VAPB: variants seen among roughly 807,000 people sequenced by gnomAD.
VAPB encodes vesicle-associated membrane protein-associated protein B/C.
In VAPB, 7 loss-of-function variants were observed where a neutral mutation model predicts 25.6. The ratio of observed to expected loss-of-function variants is 0.27; its 90% CI spans 0.16 to 0.51. The LOEUF (loss-of-function observed/expected upper bound fraction) is 0.51, where lower values mean the gene tolerates loss of function less well. VAPB is among the 20% of genes least tolerant of loss of function. The pLI is 0.97. For missense variants in VAPB, 266 were observed against 301.3 expected, an observed-to-expected ratio of 0.88 and a Z score of 0.87; for synonymous variants, 112 against 109.2, an observed-to-expected ratio of 1.03 and a Z score of -0.16.
intron 1 of VAPB, among the ~76,000 whole-genome samples, chr20:58,407,948 A>T (rs1050350772): frequency 1.3e-5 from 2 of 152,152 alleles, no homozygotes; most frequent in African/African-American, 4.8e-5. Context: ...GTTCCTTACT[A>T]ACTTTGTATT....
chr20:58,426,919 T>A (rs904301757), intron 2 of VAPB, among the ~76,000 whole-genome samples: 1 of 152,256 alleles, frequency 6.6e-6, no homozygotes, highest in Non-Finnish European at 1.5e-5. Flanking sequence ...CTTGTTAGAC[T>A]TTATTTGCTC....
intron 2 of VAPB, among the ~76,000 whole-genome samples, chr20:58,419,832 T>A (rs1232007688): frequency 6.6e-6 from 1 of 152,192 alleles, no homozygotes; most frequent in Non-Finnish European, 1.5e-5. Context: ...TGAGCAAGTT[T>A]GTCAGTAGAT....
chr20:58,421,526 C>G (rs935059396), intron 2 of VAPB, among the ~76,000 whole-genome samples: 1 of 152,126 alleles, frequency 6.6e-6, no homozygotes, highest in African/African-American at 2.4e-5. Flanking sequence ...AGGTGGCCAC[C>G]ACATCAGCTT....
In VAPB at chr20:58,450,493, G is replaced by C. The variant is rs1049987186; in HGVS notation, c.*6258G>C. 6.6e-6 allele frequency: 3 copies of C among 453,520 alleles called. No homozygotes were observed. The highest frequency in any genetic ancestry group is 2.0e-5 in the African/African-American group (1 of 49,850). 28.1% of individuals were successfully genotyped at this position (453,520 alleles called of 1,614,324 possible). A position where few individuals can be genotyped will look rare whatever the true frequency, so the allele number is the denominator to read the frequency against. On this transcript the variant is annotated 3_prime_UTR_variant, in exon 6 of 6. Coordinates refer to ENST00000475243, the MANE Select transcript of VAPB (RefSeq NM_004738.5). ...CAAAATATATTTGGTTCTCATTTCT[G>C]TTGCTGTCGTTTCCTTTTTAAAGAC... is the stretch of plus-strand genomic sequence containing the variant.
chr20:58,404,731 A>T (rs1331742396), intron 1 of VAPB, among the ~76,000 whole-genome samples: 1 of 152,110 alleles, frequency 6.6e-6, no homozygotes, highest in Non-Finnish European at 1.5e-5. Context: ...CACATTTGAT[A>T]TTTTTTTAAA....
At position 58,447,069 on chromosome 20, in the gene VAPB, C is replaced by G; in HGVS notation, c.*2834C>G. On this transcript the variant is annotated 3_prime_UTR_variant, in exon 6 of 6. Coordinates refer to ENST00000475243, the MANE Select transcript of VAPB (RefSeq NM_004738.5). ...GGCAGTGTGCATGGGGGAGCTGCTG[C>G]CAGGCTGCCCTCCAGTCTGCTCCTG... is the stretch of plus-strand genomic sequence containing the variant. 2.2e-6 allele frequency: 1 copy of G among 454,066 alleles called. No individual in the cohort carries two copies. Among genetic ancestry groups the G allele is most frequent in the South Asian group, 1.6e-5 (1 of 64,478 alleles). The allele number at this position is 454,066 out of a possible 1,614,324, so 28.1% of individuals were successfully genotyped here.
chr20:58,403,884 C>G, intron 1 of VAPB, among the ~76,000 whole-genome samples: 1 of 152,270 alleles, frequency 6.6e-6, no homozygotes, highest in Admixed American at 6.5e-5. Flanking sequence ...TGGGAATGGC[C>G]CTTGCACCAA....
At chr20:58,402,881 C>T (rs1334401579) in intron 1 of VAPB, among the ~76,000 whole-genome samples, 1 of 152,030 alleles carries the variant, frequency 6.6e-6, no homozygotes, top group African/African-American at 2.4e-5. Flanking sequence ...GGTGCATGCC[C>T]ATAATCCCAG....
At chr20:58,441,480 A>G (rs1049579530) in intron 5 of VAPB, among the ~76,000 whole-genome samples, 1 of 152,218 alleles carries the variant, frequency 6.6e-6, no homozygotes, top group African/African-American at 2.4e-5. Flanking sequence ...TCTCTAATAA[A>G]AAATACAAAA....
chr20:58,405,452 G>T (rs1258593644), intron 1 of VAPB, among the ~76,000 whole-genome samples: 3 of 149,626 alleles, frequency 2.0e-5, no homozygotes, highest in African/African-American at 7.4e-5. Context: ...CTGAGCAGGA[G>T]TTTATTTTTA....
intron 1 of VAPB, chr20:58,390,185 A>G (rs1987758384): frequency 6.6e-6 from 1 of 152,034 alleles, no homozygotes; most frequent in Non-Finnish European, 1.5e-5. Flanking sequence ...GATTGGGCCC[A>G]TTTTCCTTTC....
At chr20:58,411,881 G>A (rs535853687) in intron 1 of VAPB, among the ~76,000 whole-genome samples, 15 of 151,882 alleles carry the variant, frequency 9.9e-5, no homozygotes, top group Non-Finnish European at 1.9e-4. Context: ...GGGTTTCACC[G>A]TGTTAGCCAG....
chr20:58,439,090 C>T, intron 4 of VAPB, 65 bp downstream of exon 4: 13 of 1,443,836 alleles, frequency 9.0e-6, no homozygotes, highest in South Asian at 1.2e-5. Flanking sequence ...CATACCATTT[C>T]CTGCAAAACC....
At chr20:58,438,098 G>A (rs1257620877) in intron 3 of VAPB, among the ~76,000 whole-genome samples, 1 of 152,138 alleles carries the variant, frequency 6.6e-6, no homozygotes, top group Non-Finnish European at 1.5e-5. Context: ...ACAGCCTGGA[G>A]GGATGGAGAT....
At chr20:58,398,370 T>C (rs1446189933) in intron 1 of VAPB, among the ~76,000 whole-genome samples, 2 of 152,236 alleles carry the variant, frequency 1.3e-5, no homozygotes, top group African/African-American at 2.4e-5. Context: ...GTTTCTGCCC[T>C]TTGCAGATCC....
At chr20:58,416,036 C>T (rs963242056) in intron 1 of VAPB, among the ~76,000 whole-genome samples, 17 of 152,126 alleles carry the variant, frequency 1.1e-4, no homozygotes, top group Non-Finnish European at 2.4e-4. Flanking sequence ...TGTTTCATTG[C>T]ATATATTTTC....
Position 58,389,416 on chromosome 20 carries a change from C to G in VAPB, c.-44C>G, listed in dbSNP as rs1387223603. ...CATTAACGCTTCCCGCCCCGGTGAC[C>G]TCTCAGGGGTCTCCCCGCCAAAGGT... On this transcript the variant is annotated 5_prime_UTR_variant, in exon 1 of 6. Coordinates refer to ENST00000475243, the MANE Select transcript of VAPB (RefSeq NM_004738.5). The G allele has an allele frequency of 1.3e-6, 2 of 1,566,078 alleles. No homozygotes were observed. The highest frequency in any genetic ancestry group is 2.4e-5 in the East Asian group (1 of 42,058).
chr20:58,407,249 G>C lies in VAPB; in HGVS notation c.59-10962G>C, dbSNP rs547655444. Reference sequence around the variant, plus strand: ...TCTAGTATTTGAAGTTCATACAGAAGCTTTTGTCAGAATTGTACACATGGG... The same window carrying C: ...TCTAGTATTTGAAGTTCATACAGAACCTTTTGTCAGAATTGTACACATGGG... On this transcript the variant is annotated intron_variant, in intron 1 of 5. Transcript: ENST00000475243. Among the ~76,000 whole-genome samples, 4 of 152,280 alleles carry C rather than the reference G, an allele frequency of 2.6e-5. No individual in the cohort carries two copies. In the East Asian group the frequency reaches 7.7e-4, roughly 29 times the overall value.
At chr20:58,397,438 G>C (rs867301179) in intron 1 of VAPB, among the ~76,000 whole-genome samples, 10 of 151,338 alleles carry the variant, frequency 6.6e-5, no homozygotes, top group African/African-American at 2.4e-4. Context: ...AGAATCGCTT[G>C]AACCTGGAAG....
Sources: allele counts gnomAD v4.1 joint callset (sites outside exome capture counted in the v4.1 genomes callset), GRCh38; gene constraint gnomAD v4.1.1; transcripts MANE v1.5; gene names NCBI Gene and HGNC (gene_info 2026-07-23, HGNC 2026-07-21).